Variants in SMC3 observed in about 807,000 individuals in gnomAD.
SMC3 encodes the protein structural maintenance of chromosomes protein 3.
A neutral mutation model predicts 171.8 loss-of-function variants in SMC3; 20 were observed. That is an observed-to-expected ratio of 0.12 (90% CI 0.08 to 0.17). The LOEUF is 0.17. SMC3 is among the 10% of genes least tolerant of loss of function. The pLI is 1.00. For missense variants in SMC3, 543 were observed against 1,420.4 expected (o/e 0.38, Z 9.93); for synonymous variants, 464 against 451.1 (o/e 1.03, Z -0.36).
intron 2 of SMC3, among the ~76,000 whole-genome samples, chr10:110,569,324 T>TG (rs1860831876): frequency 6.6e-6 from 1 of 152,164 alleles, no homozygotes; most frequent in African/African-American, 2.4e-5. Context: ...TGCTGACTGT[T>TG]GCCTTATTTC....
At chr10:110,576,408 G>A (rs560735170) in intron 4 of SMC3, among the ~76,000 whole-genome samples, 2 of 152,164 alleles carry the variant, frequency 1.3e-5, no homozygotes, top group Non-Finnish European at 2.9e-5. Flanking sequence ...GTGTTCATGT[G>A]AGTCATGCCT....
intron 4 of SMC3, among the ~76,000 whole-genome samples, chr10:110,576,784 C>T (rs1590551497): frequency 6.6e-6 from 1 of 152,130 alleles, no homozygotes; most frequent in East Asian, 1.9e-4. Flanking sequence ...GTATTTACTA[C>T]ATAGTTTCTA....
Position 110,584,341 on chromosome 10 carries a change from A to G in SMC3, c.1250A>G (p.His417Arg), listed in dbSNP as rs755834841. The G allele has an allele frequency of 2.0e-5, 33 of 1,613,974 alleles. No homozygotes were observed. The highest frequency in any genetic ancestry group is 2.7e-5 in the Non-Finnish European group (32 of 1,179,986). ...NDKKRQIAAI[H>R]KDLEDTEANK... ...AAGAAAAGACAGATTGCTGCTATACATAAGGATTTGGAAGACACTGAAGCA... is the reference window on the plus strand; with the variant it reads ...AAGAAAAGACAGATTGCTGCTATACGTAAGGATTTGGAAGACACTGAAGCA... The change falls in exon 13 of 29, where the codon CAT becomes CGT. Residue 417 changes from histidine (H) to arginine (R), a missense_variant. By Grantham distance (29) the His-to-Arg change is conservative. Coordinates refer to ENST00000361804, the MANE Select transcript of SMC3 (RefSeq NM_005445.4).
intron 1 of SMC3, chr10:110,568,433 A>T (rs1437171659): frequency 6.0e-6 from 1 of 166,152 alleles, no homozygotes; most frequent in Non-Finnish European, 1.3e-5. Context: ...CCCGCGCGGG[A>T]CTCCACCACA....
At chr10:110,573,784 T>G (rs1191312446) in intron 3 of SMC3, 39 bp downstream of exon 3, 1 of 1,282,818 alleles carries the variant, frequency 7.8e-7, no homozygotes, top group Admixed American at 1.7e-5. Context: ...TATTAAGACC[T>G]GGGTATCTTA....
At chr10:110,604,135 T>C in intron 28 of SMC3, 96 bp from the exon 29 acceptor site, 1 of 614,272 alleles carries the variant, frequency 1.6e-6, no homozygotes, top group East Asian at 3.2e-5. Flanking sequence ...TTAAAAAATG[T>C]AGTTAAATGT....
At chr10:110,585,772 T>TA (rs1861103767) in intron 13 of SMC3, among the ~76,000 whole-genome samples, 1 of 151,702 alleles carries the variant, frequency 6.6e-6, no homozygotes, top group African/African-American at 2.4e-5. Context: ...TACTTATTAA[T>TA]TGTATATTAT....
In SMC3 at chr10:110,604,363, G is replaced by A; in HGVS notation, c.*61G>A. On this transcript the variant is annotated 3_prime_UTR_variant, in exon 29 of 29. Coordinates refer to ENST00000361804, the MANE Select transcript of SMC3 (RefSeq NM_005445.4). ...ATAGTAATATGATTCTCATACCCAG[G>A]AACTGTAAATTTAAACCTAAATATT... 1 of 1,223,414 alleles carries A rather than the reference G, an allele frequency of 8.2e-7. No individual in the cohort carries two copies. The highest frequency in any genetic ancestry group is 1.7e-5 in the Admixed American group (1 of 59,240). The allele number at this position is 1,223,414 out of a possible 1,614,324, so 75.8% of individuals were successfully genotyped here. A position where few individuals can be genotyped will look rare whatever the true frequency, so the allele number is the denominator to read the frequency against.
chr10:110,588,274 G>A (rs745629895), intron 13 of SMC3, among the ~76,000 whole-genome samples: 4 of 152,178 alleles, frequency 2.6e-5, no homozygotes, highest in Non-Finnish European at 5.9e-5. Flanking sequence ...ACAGGTGTGA[G>A]CCACCGCGCC....
At chr10:110,572,493 G>C (rs1317362595) in intron 2 of SMC3, among the ~76,000 whole-genome samples, 1 of 152,036 alleles carries the variant, frequency 6.6e-6, no homozygotes, top group Non-Finnish European at 1.5e-5. Context: ...TTATTTTTGA[G>C]AATTAAGACA....
Position 110,602,629 on chromosome 10 carries a change from C to T in SMC3, c.3261C>T (p.Val1087=), listed in dbSNP as rs556688502. 6.2e-7 allele frequency: 1 copy of T among 1,613,938 alleles called. No individual in the cohort carries two copies. Among genetic ancestry groups the T allele is most frequent in the East Asian group, 2.2e-5 (1 of 44,866 alleles). The part of the protein sequence containing the change: ...SERGSGSQSS[V]PSVDQFTGVG... Reference sequence around the variant, plus strand: ...GGGGTTCTGGCTCACAAAGCAGTGTCCCATCAGTTGACCAGTTTACTGGAG... The same window carrying T: ...GGGGTTCTGGCTCACAAAGCAGTGTTCCATCAGTTGACCAGTTTACTGGAG... The change falls in exon 26 of 29, where the codon GTC becomes GTT. Residue 1087 remains valine (V), a synonymous_variant. Coordinates refer to ENST00000361804, the MANE Select transcript of SMC3 (RefSeq NM_005445.4).
intron 1 of SMC3, 76 bp downstream of exon 1, chr10:110,567,907 A>T: frequency 6.2e-6 from 9 of 1,453,258 alleles, no homozygotes; most frequent in Non-Finnish European, 7.4e-6. Context: ...TTGCGGCGCC[A>T]CCCGCAGCCT....
At chr10:110,600,109 C>A (rs1028958424) in intron 21 of SMC3, among the ~76,000 whole-genome samples, 10 of 152,060 alleles carry the variant, frequency 6.6e-5, no homozygotes, top group African/African-American at 2.2e-4. Flanking sequence ...TATCTTACTG[C>A]CTTTACATAT....
intron 7 of SMC3, among the ~76,000 whole-genome samples, chr10:110,579,437 T>C (rs1471779475): frequency 6.6e-6 from 1 of 152,184 alleles, no homozygotes; most frequent in Non-Finnish European, 1.5e-5. Context: ...AAGAGCACTT[T>C]TCTGAGATCC....
chr10:110,576,182 TA>T (rs1860946130), intron 4 of SMC3, among the ~76,000 whole-genome samples: 1 of 152,230 alleles, frequency 6.6e-6, no homozygotes, highest in Non-Finnish European at 1.5e-5. Flanking sequence ...ATCTGTCATA[TA>T]ATTTATTGAA....
chr10:110,575,272 G>A (rs1014780596), intron 3 of SMC3, 64 bp from the exon 4 acceptor site: 1 of 1,137,972 alleles, frequency 8.8e-7, no homozygotes, highest in African/African-American at 1.5e-5. Flanking sequence ...TGAGGTGTGG[G>A]AAGTTATAAA....
chr10:110,598,368 G>T (rs1039421301), intron 20 of SMC3, 78 bp downstream of exon 20: 28 of 1,399,164 alleles, frequency 2.0e-5, no homozygotes, highest in Non-Finnish European at 2.8e-5. Context: ...CATTATATGG[G>T]TTATCCTTGA....
In SMC3 at chr10:110,596,560, T is replaced by G. The variant is rs1406874687; in HGVS notation, c.2116+10T>G. 2 of 1,613,454 alleles carry G rather than the reference T, an allele frequency of 1.2e-6. No homozygotes were observed. Among genetic ancestry groups the G allele is most frequent in the East Asian group, 2.2e-5 (1 of 44,854 alleles). The stretch of plus-strand genomic sequence containing the variant: ...CGCAGAAATATTGAAAATATCTTTT[T>G]GTTTTGTGCATAGTGATAGATATTG... On this transcript the variant is annotated intron_variant, in intron 19 of 28. Transcript: ENST00000361804.
chr10:110,593,662 C>T (rs1422811152), intron 18 of SMC3, among the ~76,000 whole-genome samples: 1 of 151,988 alleles, frequency 6.6e-6, no homozygotes, highest in Non-Finnish European at 1.5e-5. Context: ...TGGAGACATT[C>T]TGGTTTTGAG....
Sources: allele counts gnomAD v4.1 joint callset (sites outside exome capture counted in the v4.1 genomes callset), GRCh38; gene constraint gnomAD v4.1.1; transcripts MANE v1.5; gene names NCBI Gene and HGNC (gene_info 2026-07-23, HGNC 2026-07-21).